Variants in SMC5 observed in about 807,000 individuals in gnomAD.
SMC5 encodes the protein structural maintenance of chromosomes 5, also known as structural maintenance of chromosomes protein 5.
SMC5 carries 88 observed loss-of-function variants against 148.3 expected under a neutral mutation model. The observed-to-expected ratio is 0.59, with a 90% CI of 0.50 to 0.71. The LOEUF (loss-of-function observed/expected upper bound fraction) is 0.71, where lower values mean the gene tolerates loss of function less well. SMC5 is among the 30% of genes least tolerant of loss of function. The pLI is 0.00. For missense variants in SMC5, 1,142 were observed against 1,298.9 expected (o/e 0.88, Z 1.86); for synonymous variants, 421 against 432.8 (o/e 0.97, Z 0.34).
chr9:70,274,206 C>G (rs1307261262), intron 3 of SMC5, among the ~76,000 whole-genome samples: 1 of 152,162 alleles, frequency 6.6e-6, no homozygotes, highest in African/African-American at 2.4e-5. Flanking sequence ...CTCAGCCTCC[C>G]GAGTAGCTGG....
intron 5 of SMC5, among the ~76,000 whole-genome samples, chr9:70,279,774 G>A (rs1172989578): frequency 4.3e-5 from 6 of 138,250 alleles, no homozygotes; most frequent in East Asian, 4.3e-4. Flanking sequence ...CCGAGAACAC[G>A]CCATTGCACT....
Position 70,264,289 on chromosome 9 carries a change from C to G in SMC5, c.186-15C>G, listed in dbSNP as rs185680282. On this transcript the variant is annotated splice_polypyrimidine_tract_variant and intron_variant, in intron 1 of 24. Coordinates refer to ENST00000361138, the MANE Select transcript of SMC5 (RefSeq NM_015110.4). ...TTGTATCTCTCCTTAATAATTTCAT[C>G]TCTTTATAATTCAGAACATATGATA... The G allele has an allele frequency of 6.3e-7, 1 of 1,597,754 alleles. No individual in the cohort carries two copies. The highest frequency in any genetic ancestry group is 1.7e-4 in the Middle Eastern group (1 of 5,992).
intron 6 of SMC5, 89 bp from the exon 7 acceptor site, chr9:70,282,333 A>T: frequency 7.5e-7 from 1 of 1,324,774 alleles, no homozygotes. Context: ...ATCTTTTCTT[A>T]CATTTGGTTT....
intron 11 of SMC5, among the ~76,000 whole-genome samples, chr9:70,306,698 A>G (rs2035508571): frequency 1.3e-5 from 2 of 152,222 alleles, no homozygotes; most frequent in Non-Finnish European, 2.9e-5. Flanking sequence ...CCTCTGCACT[A>G]AGGATTTAAA....
At chr9:70,276,846 A>G (rs927432232) in intron 3 of SMC5, among the ~76,000 whole-genome samples, 2 of 152,128 alleles carry the variant, frequency 1.3e-5, no homozygotes, top group Middle Eastern at 3.2e-3. Context: ...GGCTACCTGT[A>G]TGGGTAGTTT....
chr9:70,265,322 G>C (rs1215928712), intron 2 of SMC5, among the ~76,000 whole-genome samples: 1 of 152,120 alleles, frequency 6.6e-6, no homozygotes. Context: ...AGCCAGGCAT[G>C]GTGGCGGGTG....
chr9:70,273,615 A>G (rs1009642015), intron 3 of SMC5, among the ~76,000 whole-genome samples: 1 of 152,106 alleles, frequency 6.6e-6, no homozygotes, highest in Non-Finnish European at 1.5e-5. Flanking sequence ...TGTCCCACTT[A>G]CTACTTTAGC....
rs1297930751 is a variant in SMC5, at chr9:70,323,932, T to C, written c.2275-89T>C. Reference sequence around the variant, plus strand: ...CAATAGGAAAATTATTTTTTCATGGTTTATAATTTTGTTTTAAAAAACTAT... The same window carrying C: ...CAATAGGAAAATTATTTTTTCATGGCTTATAATTTTGTTTTAAAAAACTAT... On this transcript the variant is annotated intron_variant, in intron 16 of 24. Transcript: ENST00000361138. 2.5e-6 allele frequency: 3 copies of C among 1,199,440 alleles called. No individual in the cohort carries two copies. In the African/African-American group the frequency reaches 4.7e-5, roughly 19 times the overall value. The allele number at this position is 1,199,440 out of a possible 1,614,324, so 74.3% of individuals were successfully genotyped here.
intron 11 of SMC5, chr9:70,312,006 C>T (rs1564052103): frequency 6.6e-6 from 1 of 151,190 alleles, no homozygotes; most frequent in Non-Finnish European, 1.5e-5. Flanking sequence ...ACCTGTAATC[C>T]CAGCTATGCA....
At chr9:70,296,012 A>T (rs1302940464) in intron 8 of SMC5, among the ~76,000 whole-genome samples, 1 of 151,890 alleles carries the variant, frequency 6.6e-6, no homozygotes, top group East Asian at 1.9e-4. Context: ...ATTTTTTCAG[A>T]TATATTTTCT....
At chr9:70,297,381 T>A (rs991688798) in intron 8 of SMC5, among the ~76,000 whole-genome samples, 3 of 152,234 alleles carry the variant, frequency 2.0e-5, no homozygotes, top group Non-Finnish European at 2.9e-5. Context: ...CAATCATTTT[T>A]AAATACTTAC....
At chr9:70,297,203 A>T (rs2118371791) in intron 8 of SMC5, among the ~76,000 whole-genome samples, 2 of 152,326 alleles carry the variant, frequency 1.3e-5, no homozygotes, top group Non-Finnish European at 2.9e-5. Flanking sequence ...ACATAGCCTG[A>T]ATGTAATTTT....
chr9:70,306,588 A>G (rs1412088437), intron 11 of SMC5, among the ~76,000 whole-genome samples: 2 of 152,236 alleles, frequency 1.3e-5, no homozygotes, highest in Non-Finnish European at 2.9e-5. Flanking sequence ...AAGACATGAT[A>G]CATTGTAAAG....
At chr9:70,346,741 C>A in intron 19 of SMC5, 92 bp downstream of exon 19, 1 of 1,322,402 alleles carries the variant, frequency 7.6e-7, no homozygotes, top group Non-Finnish European at 1.1e-6. Context: ...GAGATGAATT[C>A]TAGGCCTTTG....
intron 1 of SMC5, among the ~76,000 whole-genome samples, chr9:70,262,642 A>G (rs1180099): frequency 2.0e-5 from 3 of 152,142 alleles, no homozygotes; most frequent in Admixed American, 2.0e-4. Flanking sequence ...GGGACATTCA[A>G]ATAGCGTTAT....
rs757108083 is a variant in SMC5, at chr9:70,267,947, T to C, written c.352T>C (p.Cys118Arg). The C allele has an allele frequency of 9.3e-6, 15 of 1,613,388 alleles. No individual in the cohort carries two copies. In the South Asian group the frequency reaches 1.5e-4, roughly 17 times the overall value. ...DKVGFFVKRGCSRGMVEIELF... is the reference protein window; with the variant it reads ...DKVGFFVKRGRSRGMVEIELF... The stretch of plus-strand genomic sequence containing the variant: ...GGTTGGGTTTTTTGTGAAGAGAGGA[T>C]GTTCTAGAGGCATGGTTGAAATTGA... Residue 118 changes from cysteine to arginine, a missense_variant, in exon 3 of 25, where the codon TGT becomes CGT. Around this residue, in one of 5 missense-constraint regions of SMC5, gnomAD observed 297 missense variants for 302.6 expected, o/e 0.98. Transcript: ENST00000361138.
At chr9:70,271,764 T>A (rs976209380) in intron 3 of SMC5, among the ~76,000 whole-genome samples, 1 of 152,128 alleles carries the variant, frequency 6.6e-6, no homozygotes, top group East Asian at 1.9e-4. Context: ...GGAGGAAAGG[T>A]AATGAGCATG....
Position 70,344,175 on chromosome 9 carries a change from A to G in SMC5, c.2429A>G (p.Gln810Arg), listed in dbSNP as rs1176548466. 15 of 1,552,712 alleles carry G rather than the reference A, an allele frequency of 9.7e-6. No individual in the cohort carries two copies. The highest frequency in any genetic ancestry group is 1.4e-5 in the African/African-American group (1 of 72,888). The change falls in exon 18 of 25, where the codon CAG (glutamine) becomes CGG (arginine). Residue 810 changes from glutamine (Q) to arginine (R), a missense_variant. Gln to Arg is a conservative substitution (Grantham distance 43). This residue lies in a region of SMC5 where 743 missense variants were observed against 835.7 expected (regional missense o/e 0.89). Coordinates refer to ENST00000361138, the MANE Select transcript of SMC5 (RefSeq NM_015110.4). ...QHFIELDENR[Q>R]RLLQKCKELM... Reference sequence around the variant, plus strand: ...TTCATTGAATTGGATGAAAATAGACAGAGATTATTGCAGAAATGCAAGGAA... The same window carrying G: ...TTCATTGAATTGGATGAAAATAGACGGAGATTATTGCAGAAATGCAAGGAA...
chr9:70,292,716 G>A (rs1175437893), intron 8 of SMC5, among the ~76,000 whole-genome samples: 1 of 152,024 alleles, frequency 6.6e-6, no homozygotes, highest in African/African-American at 2.4e-5. Context: ...TTTATGTTGA[G>A]TACATACTCA....
Sources: allele counts gnomAD v4.1 joint callset (sites outside exome capture counted in the v4.1 genomes callset), GRCh38; gene constraint gnomAD v4.1.1; regional missense constraint gnomAD v4.1.1; transcripts MANE v1.5; gene names NCBI Gene and HGNC (gene_info 2026-07-23, HGNC 2026-07-21).